SLC43A2: variants seen among roughly 807,000 people sequenced by gnomAD.
SLC43A2 encodes large neutral amino acids transporter small subunit 4.
A neutral mutation model predicts 63.2 loss-of-function variants in SLC43A2; 38 were observed. The ratio of observed to expected loss-of-function variants is 0.60; its 90% CI spans 0.46 to 0.79. The LOEUF (loss-of-function observed/expected upper bound fraction) is 0.79, where lower values mean the gene tolerates loss of function less well. Among genes scored for constraint, SLC43A2 ranks in the 30% least tolerant of loss-of-function variants. The pLI, the probability that SLC43A2 is intolerant of heterozygous loss-of-function variation, is 0.00. For synonymous variants in SLC43A2, 322 were observed against 331.0 expected (o/e 0.97, Z 0.30); for missense variants, 644 against 756.2 (o/e 0.85, Z 1.74).
chr17:1,586,931 C>CCCCCCCCCCCCCCCCCCCCCCGG, intron 9 of SLC43A2: 1 of 986,030 alleles, frequency 1.0e-6, no homozygotes. Flanking sequence ...CTGACAATCC[C>CCCCCCCCCCCCCCCCCCCCCCGG]CCCCACCCCC....
rs1393833435 is a variant in SLC43A2, at chr17:1,614,969, G to A, written c.424+10C>T. On this transcript the variant is annotated intron_variant, in intron 4 of 13. Transcript: ENST00000301335. Reference sequence around the variant, plus strand: ...GTCCCTGACAGAAGATGGAGGGAGAGGACACTCACCGTTTGGTTTACTTGC... The same window carrying A: ...GTCCCTGACAGAAGATGGAGGGAGAAGACACTCACCGTTTGGTTTACTTGC... 12 of 1,613,732 alleles carry A rather than the reference G, an allele frequency of 7.4e-6. No homozygotes were observed. The highest frequency in any genetic ancestry group is 7.6e-6 in the Non-Finnish European group (9 of 1,179,842).
In SLC43A2 at chr17:1,575,511, G is replaced by A; in HGVS notation, c.*93C>T. 6.5e-7 allele frequency: 1 copy of A among 1,529,622 alleles called. No homozygotes were observed. The highest frequency in any genetic ancestry group is 1.1e-5 in the South Asian group (1 of 88,886). 94.8% of individuals were successfully genotyped at this position (1,529,622 alleles called of 1,614,324 possible). Reference sequence around the variant, plus strand: ...TGAACGCTGGCACGGAGACGGCGAAGGTCCTGGGGGTGCGTGGGGTACTCT... The same window carrying A: ...TGAACGCTGGCACGGAGACGGCGAAAGTCCTGGGGGTGCGTGGGGTACTCT... On this transcript the variant is annotated 3_prime_UTR_variant, in exon 14 of 14. Coordinates refer to ENST00000301335, the MANE Select transcript of SLC43A2 (RefSeq NM_152346.3).
chr17:1,600,152 A>ATATATATATATATATATATATATATTTT (rs1216616243), intron 5 of SLC43A2, among the ~76,000 whole-genome samples: 1 of 60,280 alleles, frequency 1.7e-5, no homozygotes, highest in Non-Finnish European at 3.2e-5. Flanking sequence ...ATATATATAT[A>ATATATATATATATATATATATATATTTT]TTTTTTTTTT....
At chr17:1,595,271 A>G in intron 5 of SLC43A2, among the ~76,000 whole-genome samples, 1 of 144,450 alleles carries the variant, frequency 6.9e-6, no homozygotes, top group South Asian at 2.2e-4. Context: ...ACAGAGCGAG[A>G]CTCTGTGTCA....
chr17:1,629,003 G>A (rs1908954615), upstream of SLC43A2: 1 of 152,310 alleles, frequency 6.6e-6, no homozygotes, highest in Admixed American at 6.5e-5. Flanking sequence ...AGACAAACAA[G>A]AGAGATGGGG....
chr17:1,626,060 G>A (rs897423606), intron 2 of SLC43A2, among the ~76,000 whole-genome samples: 28 of 149,892 alleles, frequency 1.9e-4, no homozygotes, highest in African/African-American at 6.6e-4. Flanking sequence ...CTGACCTTCC[G>A]ACATCATGGT....
At chr17:1,623,047 A>G (rs1257573498) in intron 2 of SLC43A2, among the ~76,000 whole-genome samples, 2 of 151,752 alleles carry the variant, frequency 1.3e-5, no homozygotes, top group South Asian at 2.1e-4. Context: ...CAGAGGTTAC[A>G]GTGAGCCGAG....
At chr17:1,587,085 A>ACAATGCGTTTCCCG in intron 9 of SLC43A2, 1 of 696,980 alleles carries the variant, frequency 1.4e-6, no homozygotes, top group Non-Finnish European at 2.3e-6. Flanking sequence ...TGCATTTCCC[A>ACAATGCGTTTCCCG]CACTGCGTTT....
intron 4 of SLC43A2, 120 bp downstream of exon 4, chr17:1,614,859 C>T: frequency 4.9e-6 from 5 of 1,011,522 alleles, no homozygotes; most frequent in Non-Finnish European, 6.1e-6. Flanking sequence ...CAGGTGTCCC[C>T]TCTAACTTGA....
At chr17:1,585,872 G>A in intron 10 of SLC43A2, 41 bp downstream of exon 10, 3 of 1,612,444 alleles carry the variant, frequency 1.9e-6, no homozygotes, top group East Asian at 2.2e-5. Context: ...TTCTGCAGGG[G>A]CTGCGGGCTG....
At chr17:1,614,933 C>T (rs758785894) in intron 4 of SLC43A2, 46 bp downstream of exon 4, 9 of 1,603,238 alleles carry the variant, frequency 5.6e-6, no homozygotes, top group South Asian at 2.2e-5. Context: ...GCTCAGGGCA[C>T]TCTCTCCCCG....
chr17:1,620,673 G>A (rs72820359), intron 2 of SLC43A2, among the ~76,000 whole-genome samples: 6,888 of 152,020 alleles, frequency 0.045, 219 homozygotes, highest in Non-Finnish European at 0.07. Flanking sequence ...TTCTGCTTGT[G>A]GAGCAATTTG....
intron 10 of SLC43A2, 160 bp downstream of exon 10, chr17:1,585,753 T>C (rs1263168693): frequency 1.9e-6 from 3 of 1,585,444 alleles, no homozygotes; most frequent in East Asian, 2.3e-5. Context: ...TTGAAACGCA[T>C]GCTGAGCTGA....
At chr17:1,597,804 GA>G (rs202088571) in intron 5 of SLC43A2, among the ~76,000 whole-genome samples, 1 of 143,776 alleles carries the variant, frequency 7.0e-6, no homozygotes. Flanking sequence ...GTCTCAAAAA[GA>G]AAAAAAAAAG....
intron 2 of SLC43A2, among the ~76,000 whole-genome samples, chr17:1,624,761 C>G (rs567110288): frequency 6.6e-6 from 1 of 151,482 alleles, no homozygotes; most frequent in South Asian, 2.1e-4. Context: ...TATGGTGGCG[C>G]ACACTTGTAG....
rs1409811119 is a variant in SLC43A2 at position 1,602,633 on chromosome 17, G to A, written c.502-9354C>T. On this transcript the variant is annotated intron_variant, in intron 5 of 13. Coordinates refer to ENST00000301335, the MANE Select transcript of SLC43A2 (RefSeq NM_152346.3). ...TGCACTCCAGCCTGGGCGACAGAGC[G>A]AGACTCTTGTCTCAAAAATTAATAA... Among the ~76,000 whole-genome samples, 17 of 151,996 alleles carry A rather than the reference G, an allele frequency of 1.1e-4. No homozygotes were observed. The East Asian group carries it at 1.4e-3, about 12-fold the overall frequency.
intron 6 of SLC43A2, among the ~76,000 whole-genome samples, chr17:1,592,932 C>T (rs1044859424): frequency 2.0e-5 from 3 of 152,188 alleles, no homozygotes; most frequent in Admixed American, 2.0e-4. Flanking sequence ...ACTCACCCAC[C>T]GCCCTTCCCC....
intron 2 of SLC43A2, among the ~76,000 whole-genome samples, chr17:1,623,717 T>C (rs1454401572): frequency 1.5e-5 from 2 of 129,492 alleles, no homozygotes. Context: ...TGTACCCTCC[T>C]CTCCTCCAGG....
chr17:1,613,486 CTT>C (rs2151072387), intron 4 of SLC43A2, among the ~76,000 whole-genome samples: 1 of 152,216 alleles, frequency 6.6e-6, no homozygotes, highest in East Asian at 1.9e-4. Context: ...TAGTTTTGCT[CTT>C]GTCACCCAGG....
Sources: allele counts gnomAD v4.1 joint callset (sites outside exome capture counted in the v4.1 genomes callset), GRCh38; gene constraint gnomAD v4.1.1; transcripts MANE v1.5; gene names NCBI Gene and HGNC (gene_info 2026-07-23, HGNC 2026-07-21).